Variants in CLASP1 observed in about 807,000 individuals in gnomAD.
The protein encoded by CLASP1 is cytoplasmic linker associated protein 1.
Under a neutral mutation model 192.3 loss-of-function variants are expected in CLASP1, and 38 were observed. That is an observed-to-expected ratio of 0.20 (90% confidence interval 0.15 to 0.26). CLASP1 has a LOEUF of 0.26. CLASP1 is among the 10% of genes least tolerant of loss of function. The pLI, the probability that CLASP1 is intolerant of heterozygous loss-of-function variation, is 1.00. For synonymous variants in CLASP1, 691 were observed against 712.8 expected (o/e 0.97, Z 0.49); for missense variants, 1,433 against 1,932.5 (o/e 0.74, Z 4.85).
In CLASP1 at chr2:121,442,481, C is replaced by CTTTTTTTTTTTTTT. The variant is rs761873166; in HGVS notation, c.1912+4855_1912+4856insAAAAAAAAAAAAAA. ...TCAAACGTACTGCCTAAATTTCTTT[C>CTTTTTTTTTTTTTT]TTTTTTTTTTTTTGAGACGGAGTCT... On this transcript the variant is annotated intron_variant, in intron 19 of 39. Transcript: ENST00000263710. 8.0e-3 allele frequency among the ~76,000 whole-genome samples: 1,151 copies of CTTTTTTTTTTTTTT among 144,060 alleles called. 16 individuals carry two copies. The highest frequency in any genetic ancestry group is 0.014 in the South Asian group (61 of 4,510). The allele number at this position is 144,060 out of a possible 152,430, so 94.5% of individuals were successfully genotyped here.
At chr2:121,598,392 T>A (rs748853607) in intron 2 of CLASP1, among the ~76,000 whole-genome samples, 1 of 152,208 alleles carries the variant, frequency 6.6e-6, no homozygotes, top group Non-Finnish European at 1.5e-5. Flanking sequence ...GTAGTCAAGT[T>A]TTACTGGAAC....
chr2:121,429,185 A>G (rs574383879), intron 20 of CLASP1, among the ~76,000 whole-genome samples: 1 of 152,336 alleles, frequency 6.6e-6, no homozygotes, highest in African/African-American at 2.4e-5. Context: ...GCCATTTTCT[A>G]TACTAAGGGA....
intron 1 of CLASP1, among the ~76,000 whole-genome samples, chr2:121,618,905 T>C (rs1221426165): frequency 6.6e-6 from 1 of 152,204 alleles, no homozygotes; most frequent in Admixed American, 6.5e-5. Context: ...AGTGCTTTGG[T>C]CTTGCAGGGA....
rs539415870 is a variant in CLASP1 at position 121,348,434 on chromosome 2, G to A, written c.4413+78C>T. On this transcript the variant is annotated intron_variant, in intron 38 of 39. Coordinates refer to ENST00000263710, the Ensembl canonical transcript of CLASP1. ...ACCCGTCCCTGCCAGTGAAGGAGGA[G>A]CACAAAGCCCTTACATTACTTCAAG... 11 of 1,311,928 alleles carry A rather than the reference G, an allele frequency of 8.4e-6. No individual in the cohort carries two copies. In the African/African-American group the frequency reaches 1.0e-4, roughly 12 times the overall value. 81.3% of individuals were successfully genotyped at this position (1,311,928 alleles called of 1,614,324 possible).
intron 2 of CLASP1, among the ~76,000 whole-genome samples, chr2:121,583,197 T>G (rs1559680524): frequency 6.6e-6 from 1 of 152,192 alleles, no homozygotes; most frequent in Non-Finnish European, 1.5e-5. Context: ...TTCCCTCCAT[T>G]GAAAATTTAA....
intron 2 of CLASP1, among the ~76,000 whole-genome samples, chr2:121,557,235 T>C (rs2105255098): frequency 6.6e-6 from 1 of 152,332 alleles, no homozygotes; most frequent in African/African-American, 2.4e-5. Context: ...TTTGTGCCTT[T>C]CTTCACTCAG....
At chr2:121,502,463 G>A (rs1298785101) in intron 8 of CLASP1, among the ~76,000 whole-genome samples, 1 of 152,180 alleles carries the variant, frequency 6.6e-6, no homozygotes, top group East Asian at 1.9e-4. Context: ...TACTGTATGA[G>A]GGAGGAGGGA....
intron 30 of CLASP1, 86 bp downstream of exon 31, chr2:121,397,054 G>T: frequency 7.4e-7 from 1 of 1,351,542 alleles, no homozygotes; most frequent in Non-Finnish European, 1.1e-6. Flanking sequence ...GTGGGTGGGT[G>T]GCACGGTTTT....
At chr2:121,363,803 G>C (rs1289169762) in intron 36 of CLASP1, among the ~76,000 whole-genome samples, 1 of 152,176 alleles carries the variant, frequency 6.6e-6, no homozygotes, top group Non-Finnish European at 1.5e-5. Context: ...TGAGATCACT[G>C]GGTGTGTACA....
intron 28 of CLASP1, among the ~76,000 whole-genome samples, chr2:121,398,649 A>T (rs1199035454): frequency 6.6e-6 from 1 of 152,212 alleles, no homozygotes; most frequent in Non-Finnish European, 1.5e-5. Flanking sequence ...AAAAATTAAG[A>T]CTAAGCAATA....
chr2:121,423,756 C>T (rs2079932291), intron 22 of CLASP1, among the ~76,000 whole-genome samples: 1 of 152,220 alleles, frequency 6.6e-6, no homozygotes, highest in Admixed American at 6.5e-5. Context: ...GACCACACTA[C>T]GCAATGCCAA....
intron 7 of CLASP1, chr2:121,512,991 T>C (rs1575575954): frequency 6.6e-6 from 1 of 152,222 alleles, no homozygotes; most frequent in African/African-American, 2.4e-5. Context: ...ACAAAATTAC[T>C]AAAAAATCTA....
intron 2 of CLASP1, among the ~76,000 whole-genome samples, chr2:121,539,638 A>G (rs1293602671): frequency 3.3e-5 from 5 of 152,258 alleles, no homozygotes; most frequent in African/African-American, 9.6e-5. Flanking sequence ...AACTGGACCA[A>G]ATTAGAATTA....
chr2:121,590,267 T>A (rs936772345), intron 2 of CLASP1, among the ~76,000 whole-genome samples: 5 of 152,158 alleles, frequency 3.3e-5, no homozygotes, highest in Admixed American at 6.5e-5. Context: ...CTTTCAGAAC[T>A]TCCAGCACAG....
intron 2 of CLASP1, among the ~76,000 whole-genome samples, chr2:121,534,082 G>C (rs1231047411): frequency 5.3e-5 from 8 of 152,220 alleles, no homozygotes; most frequent in African/African-American, 1.7e-4. Flanking sequence ...AGAACTTCCA[G>C]GTCAAGAAAC....
chr2:121,577,073 C>T (rs573985065), intron 2 of CLASP1, among the ~76,000 whole-genome samples: 15 of 152,096 alleles, frequency 9.9e-5, no homozygotes, highest in Middle Eastern at 3.4e-3. Context: ...TGATAGGACA[C>T]GTGGAATGTG....
chr2:121,472,624 C>A (rs1400355588), intron 8 of CLASP1, among the ~76,000 whole-genome samples: 2 of 152,160 alleles, frequency 1.3e-5, no homozygotes, highest in African/African-American at 2.4e-5. Flanking sequence ...GTTGAGGGTG[C>A]TAGAAATTAC....
At chr2:121,643,060 G>A (rs1016066712) in intron 1 of CLASP1, among the ~76,000 whole-genome samples, 5 of 151,678 alleles carry the variant, frequency 3.3e-5, no homozygotes, top group African/African-American at 1.2e-4. Flanking sequence ...GTGAGGGAAA[G>A]TCCTACACTG....
intron 14 of CLASP1, among the ~76,000 whole-genome samples, chr2:121,453,224 G>T (rs999442732): frequency 3.9e-5 from 6 of 152,206 alleles, no homozygotes; most frequent in African/African-American, 1.2e-4. Flanking sequence ...GGGCCCAGAA[G>T]TTTGAGACTG....
Sources: gnomAD v4.1 joint callset for allele counts (sites outside exome capture counted in the v4.1 genomes callset) on GRCh38, gnomAD v4.1.1 for gene constraint, MANE v1.5 for transcripts, NCBI Gene and HGNC (gene_info 2026-07-23, HGNC 2026-07-21) for gene names.